FANCA: variants seen among roughly 807,000 people sequenced by gnomAD.
The protein encoded by FANCA is FA complementation group A.
A neutral mutation model predicts 194.3 loss-of-function variants in FANCA; 236 were observed. That is an observed-to-expected ratio of 1.21 (90% CI 1.09 to 1.35). The LOEUF (loss-of-function observed/expected upper bound fraction) is 1.35. Among genes scored for constraint, FANCA ranks in the 40% most tolerant of loss-of-function variants. The probability of loss-of-function intolerance (pLI) is 0.00; values close to 1 mark genes in which losing one functional copy is unlikely to be tolerated. For synonymous variants in FANCA, 1,014 were observed against 715.8 expected, an observed-to-expected ratio of 1.42 and a Z score of -6.65; for missense variants, 2,628 against 1,813.9, an observed-to-expected ratio of 1.45 and a Z score of -8.15.
chr16:89,748,805 C>T (rs775333091), intron 32 of FANCA, 38 bp from the exon 33 acceptor site: 50 of 1,549,964 alleles, frequency 3.2e-5, no homozygotes, highest in Non-Finnish European at 3.7e-5. Flanking sequence ...GACAGCACAG[C>T]GTACACTCTG....
Position 89,737,724 on chromosome 16 carries a change from T to G in FANCA, c.*877A>C. 1 of 1,601,362 alleles carries G rather than the reference T, an allele frequency of 6.2e-7. No homozygotes were observed. The highest frequency in any genetic ancestry group is 8.5e-7 in the Non-Finnish European group (1 of 1,171,146). On this transcript the variant is annotated 3_prime_UTR_variant, in exon 43 of 43. Coordinates refer to ENST00000389301, the MANE Select transcript of FANCA (RefSeq NM_000135.4). ...ATGTGCAGAAATGTCTTCCCAGCTG[T>G]GATGGTTTCACATTGTCATCGTCGT...
intron 15 of FANCA, 134 bp from the exon 16 acceptor site, chr16:89,783,236 T>G: frequency 1.4e-6 from 1 of 729,418 alleles, no homozygotes; most frequent in Non-Finnish European, 2.5e-6. Context: ...CTTATGAGTA[T>G]GCAAAGCAAA....
chr16:89,802,120 G>C (rs535217956), intron 8 of FANCA, among the ~76,000 whole-genome samples: 32 of 152,252 alleles, frequency 2.1e-4, no homozygotes, highest in Admixed American at 1.8e-3. Flanking sequence ...ATACTGGTCA[G>C]CTTTAACGGA....
At chr16:89,787,702 T>A (rs1418779403) in intron 14 of FANCA, among the ~76,000 whole-genome samples, 2 of 151,424 alleles carry the variant, frequency 1.3e-5, no homozygotes, top group African/African-American at 4.9e-5. Context: ...CACCACCACA[T>A]CCCAGCCTGG....
intron 16 of FANCA, 25 bp downstream of exon 16, chr16:89,782,982 G>C: frequency 1.9e-6 from 3 of 1,612,222 alleles, no homozygotes; most frequent in South Asian, 1.1e-5. Flanking sequence ...CAGGTGTGAG[G>C]AGTGGGCATG....
Position 89,740,400 on chromosome 16 carries a change from G to C in FANCA, c.3829-301C>G, listed in dbSNP as rs1264725230. 1.0e-5 allele frequency: 5 copies of C among 482,630 alleles called. No individual in the cohort carries two copies. In the East Asian group the frequency reaches 1.9e-4, roughly 18 times the overall value. 29.9% of individuals were successfully genotyped at this position (482,630 alleles called of 1,614,324 possible). On this transcript the variant is annotated intron_variant, in intron 38 of 42. Transcript: ENST00000389301. ...CATGCCTGTAATCCCAACACTTTGG[G>C]AGGCCGAGGTCGGCGGATCACTGAG...
chr16:89,775,800 G>T lies in FANCA; in HGVS notation c.1842C>A (p.Pro614=), dbSNP rs769546891. The change falls in exon 21 of 43, where the codon CCC becomes CCA. Residue 614 remains proline, a synonymous_variant. Transcript: ENST00000389301. ...GGCAGTAGGTGGAGTACAGAGATGGGGGGATTTTATCTGCTCTGGATCACA... is the reference window on the plus strand; with the variant it reads ...GGCAGTAGGTGGAGTACAGAGATGGTGGGATTTTATCTGCTCTGGATCACA... ...IESLKRADKI[P]PSLYSTYCQA... is the part of the protein sequence containing the mutation. 35 of 1,611,852 alleles carry T rather than the reference G, an allele frequency of 2.2e-5. No homozygotes were observed. The highest frequency in any genetic ancestry group is 2.8e-5 in the Non-Finnish European group (33 of 1,178,908).
intron 28 of FANCA, 117 bp downstream of exon 28, chr16:89,764,773 G>T: frequency 8.1e-7 from 1 of 1,230,362 alleles, no homozygotes; most frequent in Non-Finnish European, 1.2e-6. Context: ...GACTCGGGAC[G>T]TGGCATGATG....
At chr16:89,773,674 A>G (rs1162296748) in intron 21 of FANCA, among the ~76,000 whole-genome samples, 2 of 152,090 alleles carry the variant, frequency 1.3e-5, no homozygotes, top group Admixed American at 6.6e-5. Flanking sequence ...CACCACCGTG[A>G]GAAGCATACA....
chr16:89,807,576 C>T (rs1185400984), intron 6 of FANCA, among the ~76,000 whole-genome samples: 1 of 152,010 alleles, frequency 6.6e-6, no homozygotes, highest in Non-Finnish European at 1.5e-5. Flanking sequence ...ATGGCGAAAC[C>T]ACATCTCTAC....
In FANCA at chr16:89,770,642, GAC is replaced by G; in HGVS notation, c.2152-10_2152-9del. The G allele has an allele frequency of 6.2e-7, 1 of 1,604,410 alleles. No individual in the cohort carries two copies. Among genetic ancestry groups the G allele is most frequent in the Non-Finnish European group, 8.5e-7 (1 of 1,174,990 alleles). Reference sequence around the variant, plus strand: ...CAGCAGGAGGTCCACAGCCTGCAGAGACACAGTTCTCATGAGCGTGGTGTCCT... The same window carrying G: ...CAGCAGGAGGTCCACAGCCTGCAGAGACAGTTCTCATGAGCGTGGTGTCCT... On this transcript the variant is annotated splice_polypyrimidine_tract_variant and intron_variant, in intron 23 of 42. Transcript: ENST00000389301.
chr16:89,814,828 C>T (rs1051517210), intron 2 of FANCA, among the ~76,000 whole-genome samples: 3 of 152,004 alleles, frequency 2.0e-5, no homozygotes, highest in African/African-American at 7.2e-5. Context: ...GTAGTCCCAG[C>T]CACTCGGGAG....
rs1303230442 is a variant in FANCA at position 89,769,927 on chromosome 16, G to A, written c.2414C>T (p.Pro805Leu). The change falls in exon 26 of 43, where the codon CCT (proline) becomes CTT (leucine). Residue 805 changes from proline to leucine, a missense_variant. Coordinates refer to ENST00000389301, the MANE Select transcript of FANCA (RefSeq NM_000135.4). ...AGGAAGGCCAGCACCAGGTGCAGGA[G>A]GACCCACATCCACCTCTGGGAGCGC... The part of the protein sequence containing the change: ...RSALPEVDVG[P>L]PAPGAGLPVP... 1.9e-6 allele frequency: 3 copies of A among 1,614,078 alleles called. No homozygotes were observed. Among genetic ancestry groups the A allele is most frequent in the African/African-American group, 2.7e-5 (2 of 75,034 alleles).
chr16:89,781,348 A>AAC (rs969480450), intron 17 of FANCA, among the ~76,000 whole-genome samples: 1 of 134,140 alleles, frequency 7.5e-6, no homozygotes, highest in African/African-American at 2.9e-5. Context: ...TGGGCAATAG[A>AAC]ACGAGACTCC....
intron 31 of FANCA, 51 bp from the exon 32 acceptor site, chr16:89,749,953 A>C (rs751085373): frequency 6.2e-7 from 1 of 1,605,754 alleles, no homozygotes; most frequent in South Asian, 1.1e-5. Flanking sequence ...CTCACTGCCC[A>C]GCCAGTCGGG....
chr16:89,773,416 G>T, intron 21 of FANCA, 32 bp from the exon 22 acceptor site: 1 of 1,453,816 alleles, frequency 6.9e-7, no homozygotes, highest in Non-Finnish European at 9.4e-7. Flanking sequence ...CAGATGGAAA[G>T]ACACTCAACA....
intron 37 of FANCA, among the ~76,000 whole-genome samples, chr16:89,741,797 C>T (rs1354775674): frequency 6.6e-6 from 1 of 152,160 alleles, no homozygotes; most frequent in Non-Finnish European, 1.5e-5. Flanking sequence ...TTATCTGGGG[C>T]TGTCCCTCAG....
intron 42 of FANCA, 80 bp downstream of exon 42, chr16:89,738,802 C>T (rs34602467): frequency 1.2e-6 from 2 of 1,613,482 alleles, no homozygotes; most frequent in Admixed American, 3.3e-5. Context: ...GTTGTATTGC[C>T]AGCCAGGCAG....
intron 8 of FANCA, among the ~76,000 whole-genome samples, chr16:89,800,789 C>T (rs917596975): frequency 2.2e-4 from 33 of 151,844 alleles, no homozygotes; most frequent in Admixed American, 6.6e-5. Context: ...CCAGCACTTT[C>T]GGAAGTCGAG....
Sources: gnomAD v4.1 joint callset for allele counts (sites outside exome capture counted in the v4.1 genomes callset) on GRCh38, gnomAD v4.1.1 for gene constraint, MANE v1.5 for transcripts, NCBI Gene and HGNC (gene_info 2026-07-23, HGNC 2026-07-21) for gene names.